RAB11FIP4: variants seen among roughly 807,000 people sequenced by gnomAD.
RAB11FIP4 encodes RAB11 family interacting protein 4, also known as rab11 family-interacting protein 4.
RAB11FIP4 carries 23 observed loss-of-function variants against 74.3 expected under a neutral mutation model. The observed-to-expected ratio is 0.31, with a 90% CI of 0.22 to 0.44. The LOEUF is 0.44. RAB11FIP4 is among the 20% of genes least tolerant of loss of function. The probability of loss-of-function intolerance (pLI) is 1.00; values close to 1 mark genes in which losing one functional copy is unlikely to be tolerated. For synonymous variants in RAB11FIP4, 360 were observed against 359.9 expected, an observed-to-expected ratio of 1.00 and a Z score of 0.00; for missense variants, 630 against 863.9, an observed-to-expected ratio of 0.73 and a Z score of 3.39.
intron 3 of RAB11FIP4, among the ~76,000 whole-genome samples, chr17:31,456,010 G>T (rs908264511): frequency 3.3e-5 from 5 of 152,206 alleles, no homozygotes; most frequent in Non-Finnish European, 7.3e-5. Flanking sequence ...TTCAGGTCAT[G>T]TTAACCCTAT....
chr17:31,423,758 A>G (rs1340727951), intron 1 of RAB11FIP4, among the ~76,000 whole-genome samples: 1 of 152,194 alleles, frequency 6.6e-6, no homozygotes, highest in Non-Finnish European at 1.5e-5. Flanking sequence ...TGTGCAGCTC[A>G]GGAGTAGGCT....
At chr17:31,415,339 G>A (rs2071136997) in intron 1 of RAB11FIP4, among the ~76,000 whole-genome samples, 1 of 152,172 alleles carries the variant, frequency 6.6e-6, no homozygotes, top group Non-Finnish European at 1.5e-5. Context: ...CTCCGTTCTT[G>A]TCATTATTTC....
intron 1 of RAB11FIP4, among the ~76,000 whole-genome samples, chr17:31,418,319 C>T (rs985584108): frequency 3.3e-5 from 5 of 151,914 alleles, no homozygotes; most frequent in Non-Finnish European, 7.4e-5. Context: ...ACCCGGGAGG[C>T]GGAGGTTGCA....
chr17:31,428,465 C>A (rs1169280209), intron 1 of RAB11FIP4, among the ~76,000 whole-genome samples: 1 of 152,166 alleles, frequency 6.6e-6, no homozygotes, highest in Non-Finnish European at 1.5e-5. Context: ...GATCCATCAT[C>A]TGCAGCCCAG....
In RAB11FIP4 at chr17:31,530,276, G is replaced by T. The variant is rs769820477; in HGVS notation, c.1654-50G>T. 3.7e-6 allele frequency: 6 copies of T among 1,601,972 alleles called. No homozygotes were observed. The African/African-American group carries it at 6.7e-5, about 18-fold the overall frequency. ...GATGTGGAGAAGTGGGTTCCAGTGG[G>T]CTGTGGATGCCTCTTGGGGTTGATG... On this transcript the variant is annotated intron_variant, in intron 13 of 14. Transcript: ENST00000621161.
At chr17:31,529,716 TTC>T (rs2072833039) in intron 13 of RAB11FIP4, among the ~76,000 whole-genome samples, 1 of 152,116 alleles carries the variant, frequency 6.6e-6, no homozygotes. Context: ...TAAATTATCC[TTC>T]TGAGTTTGTT....
Position 31,525,109 on chromosome 17 carries a change from A to T in RAB11FIP4, c.1153A>T (p.Met385Leu). Residue 385 changes from methionine (M) to leucine (L), a missense_variant, in exon 10 of 15, where the codon ATG (methionine) becomes TTG (leucine). Transcript: ENST00000621161. ...CCTCAGGGTGCATGAGCTGGAGGAG[A>T]TGGTGAAGGATCAGGAGACCACGGC... ...LVHRVHELEE[M>L]VKDQETTAEQ... The T allele has an allele frequency of 6.5e-7, 1 of 1,550,260 alleles. No homozygotes were observed. The highest frequency in any genetic ancestry group is 2.0e-4 in the Middle Eastern group (1 of 4,966).
chr17:31,492,645 CATT>C (rs1291622197), intron 3 of RAB11FIP4, among the ~76,000 whole-genome samples: 1 of 152,206 alleles, frequency 6.6e-6, no homozygotes, highest in African/African-American at 2.4e-5. Flanking sequence ...GCTATTTTCT[CATT>C]ATCTCATGCC....
chr17:31,396,793 C>G (rs1013523229), intron 1 of RAB11FIP4, among the ~76,000 whole-genome samples: 2 of 152,184 alleles, frequency 1.3e-5, no homozygotes, highest in Non-Finnish European at 2.9e-5. Context: ...GACCGTCCTT[C>G]TTGCTAGAAA....
rs1228829794 is a variant in RAB11FIP4 at position 31,535,863 on chromosome 17, AT to A, written c.*4134del. The A allele has an allele frequency of 6.6e-6, 1 of 152,188 alleles. No individual in the cohort carries two copies. Among genetic ancestry groups the A allele is most frequent in the African/African-American group, 2.4e-5 (1 of 41,438 alleles). The allele number at this position is 152,188 out of a possible 1,614,324, so 9.4% of individuals were successfully genotyped here. A position where few individuals can be genotyped will look rare whatever the true frequency, so the allele number is the denominator to read the frequency against. On this transcript the variant is annotated 3_prime_UTR_variant, in exon 15 of 15. Coordinates refer to ENST00000621161, the MANE Select transcript of RAB11FIP4 (RefSeq NM_032932.6). ...GCAGCCGCAGAAACAGCTGCCACCTATTTGCATAGCTGAGCAGGAGGACATA... is the reference window on the plus strand; with the variant it reads ...GCAGCCGCAGAAACAGCTGCCACCTATTGCATAGCTGAGCAGGAGGACATA...
chr17:31,431,999 G>C (rs139642166), intron 2 of RAB11FIP4, 99 bp downstream of exon 2: 2 of 907,140 alleles, frequency 2.2e-6, no homozygotes, highest in Admixed American at 2.3e-5. Context: ...CTCCCCACAG[G>C]GGTCCCAGAG....
chr17:31,401,242 A>T (rs1219925796), intron 1 of RAB11FIP4, among the ~76,000 whole-genome samples: 1 of 151,664 alleles, frequency 6.6e-6, no homozygotes, highest in Non-Finnish European at 1.5e-5. Flanking sequence ...ACTGCACTCC[A>T]GCCTGGGCGA....
chr17:31,411,888 G>A (rs1302328791), intron 1 of RAB11FIP4, among the ~76,000 whole-genome samples: 5 of 152,250 alleles, frequency 3.3e-5, no homozygotes, highest in Non-Finnish European at 5.9e-5. Flanking sequence ...GAGGAAGCGA[G>A]GGCTAGAAAG....
intron 3 of RAB11FIP4, among the ~76,000 whole-genome samples, chr17:31,493,360 G>A (rs2072048846): frequency 6.6e-6 from 1 of 152,118 alleles, no homozygotes; most frequent in African/African-American, 2.4e-5. Context: ...GTGGGAGAGT[G>A]GGCGGGCTCT....
At chr17:31,529,694 G>A (rs1287430296) in intron 13 of RAB11FIP4, among the ~76,000 whole-genome samples, 1 of 152,180 alleles carries the variant, frequency 6.6e-6, no homozygotes, top group Non-Finnish European at 1.5e-5. Flanking sequence ...GCAGGTGGAA[G>A]AGCCTGCAGC....
chr17:31,490,912 C>T (rs886615464), intron 3 of RAB11FIP4, among the ~76,000 whole-genome samples: 3 of 152,236 alleles, frequency 2.0e-5, no homozygotes, highest in Admixed American at 6.5e-5. Flanking sequence ...GGGCACAGTG[C>T]CCTGGCCTTG....
At chr17:31,451,600 TC>T (rs2071528241) in intron 3 of RAB11FIP4, among the ~76,000 whole-genome samples, 1 of 151,884 alleles carries the variant, frequency 6.6e-6, no homozygotes, top group Non-Finnish European at 1.5e-5. Context: ...ACCTTGCCCC[TC>T]CCAGATTCCC....
At chr17:31,396,350 G>C (rs1040117809) in intron 1 of RAB11FIP4, among the ~76,000 whole-genome samples, 2 of 152,094 alleles carry the variant, frequency 1.3e-5, no homozygotes, top group Admixed American at 6.6e-5. Flanking sequence ...GTTGCCTTCT[G>C]ATATATTGCA....
chr17:31,494,019 T>C (rs2072066048), intron 3 of RAB11FIP4, among the ~76,000 whole-genome samples: 1 of 151,830 alleles, frequency 6.6e-6, no homozygotes, highest in African/African-American at 2.4e-5. Context: ...GCCCAACAGG[T>C]AGAATGGGGT....
Sources: gnomAD v4.1 joint callset for allele counts (sites outside exome capture counted in the v4.1 genomes callset) on GRCh38, gnomAD v4.1.1 for gene constraint, MANE v1.5 for transcripts, NCBI Gene and HGNC (gene_info 2026-07-23, HGNC 2026-07-21) for gene names.